TLK2: variants seen among roughly 807,000 people sequenced by gnomAD.
TLK2 encodes tousled like kinase 2.
In TLK2, 6 loss-of-function variants were observed where a neutral mutation model predicts 117.3. The observed-to-expected ratio is 0.05, with a 90% confidence interval of 0.03 to 0.10. The LOEUF is 0.10. Ranked by LOEUF, TLK2 falls within the 10% of genes least tolerant of loss-of-function variation. TLK2 has a pLI of 1.00. For missense variants in TLK2, 299 were observed against 901.2 expected, an observed-to-expected ratio of 0.33 and a Z score of 8.56; for synonymous variants, 257 against 316.7, an observed-to-expected ratio of 0.81 and a Z score of 2.00.
At chr17:62,567,989 T>A (rs2079940583) in intron 11 of TLK2, among the ~76,000 whole-genome samples, 2 of 152,172 alleles carry the variant, frequency 1.3e-5, no homozygotes. Context: ...GTAGCTTATT[T>A]TATAGTTCTG....
rs577182349 is a variant in TLK2 at position 62,487,078 on chromosome 17, G to T, written c.81+5872G>T. On this transcript the variant is annotated intron_variant, in intron 2 of 21. Coordinates refer to ENST00000346027, the MANE Select transcript of TLK2 (RefSeq NM_006852.6). ...GGAGGCCGAGGCAGGCAGATCACGA[G>T]GTCAGGAGATCGAGACCGTCCTGGC... Among the ~76,000 whole-genome samples the T allele has an allele frequency of 3.9e-5, 6 of 152,342 alleles. No individual in the cohort carries two copies. The East Asian group carries it at 1.2e-3, about 29-fold the overall frequency.
intron 2 of TLK2, among the ~76,000 whole-genome samples, chr17:62,502,460 G>T (rs2074285059): frequency 6.6e-6 from 1 of 152,166 alleles, no homozygotes; most frequent in South Asian, 2.1e-4. Flanking sequence ...AAGAGTGAAT[G>T]CTTTCTATAT....
Position 62,600,786 on chromosome 17 carries a change from A to G in TLK2, c.1686A>G (p.Ile562Met). The change falls in exon 18 of 22, where the codon ATA (isoleucine) becomes ATG (methionine). Residue 562 changes from isoleucine to methionine, a missense_variant. Coordinates refer to ENST00000346027, the MANE Select transcript of TLK2 (RefSeq NM_006852.6). ...IVNALKYLNEIKPPIIHYDLK... is the reference protein window; with the variant it reads ...IVNALKYLNEMKPPIIHYDLK... ...ATGCTTTAAAGTACTTAAATGAAAT[A>G]AAACCTCCCATCATACACTATGACC... 1 of 1,613,146 alleles carries G rather than the reference A, an allele frequency of 6.2e-7. No homozygotes were observed.
chr17:62,592,133 T>C (rs568845155), intron 16 of TLK2, among the ~76,000 whole-genome samples: 81 of 152,052 alleles, frequency 5.3e-4, no homozygotes, highest in African/African-American at 1.7e-3. Flanking sequence ...TTGTATTTTT[T>C]TTTTTAGTAG....
chr17:62,576,576 G>C (rs1260402092), intron 12 of TLK2, 133 bp from the exon 13 acceptor site: 1 of 694,994 alleles, frequency 1.4e-6, no homozygotes, highest in Non-Finnish European at 2.5e-6. Flanking sequence ...AGGACTACAA[G>C]ATAACCCATC....
chr17:62,519,076 G>A (rs934068663), intron 2 of TLK2, among the ~76,000 whole-genome samples: 1 of 152,078 alleles, frequency 6.6e-6, no homozygotes, highest in Non-Finnish European at 1.5e-5. Context: ...GTAGAGATGG[G>A]GTTTCACCAT....
intron 2 of TLK2, among the ~76,000 whole-genome samples, chr17:62,488,608 T>C (rs1258471379): frequency 1.3e-5 from 2 of 152,140 alleles, no homozygotes; most frequent in African/African-American, 4.8e-5. Context: ...CGTGCCTCTT[T>C]CTCTGAAATT....
intron 15 of TLK2, chr17:62,585,569 T>A (rs1163582048): frequency 6.6e-6 from 1 of 152,338 alleles, no homozygotes; most frequent in Non-Finnish European, 1.5e-5. Flanking sequence ...ACTTTTCATT[T>A]ACCCAGCATA....
At chr17:62,575,159 G>C (rs1352658765) in intron 12 of TLK2, among the ~76,000 whole-genome samples, 1 of 152,208 alleles carries the variant, frequency 6.6e-6, no homozygotes, top group Non-Finnish European at 1.5e-5. Flanking sequence ...ATCTAGGCTA[G>C]TAATGTGTAA....
At chr17:62,515,775 G>A (rs1301124219) in intron 2 of TLK2, among the ~76,000 whole-genome samples, 1 of 152,148 alleles carries the variant, frequency 6.6e-6, no homozygotes, top group Middle Eastern at 3.4e-3. Flanking sequence ...CCCATTCCAT[G>A]GGTTTCCTTT....
intron 16 of TLK2, among the ~76,000 whole-genome samples, chr17:62,591,928 T>C (rs1266656928): frequency 6.6e-6 from 1 of 152,132 alleles, no homozygotes; most frequent in Admixed American, 6.5e-5. Context: ...AGTTACTGTC[T>C]TTGTAAATAA....
In TLK2 at chr17:62,612,393, C is replaced by T. The variant is rs1402698205; in HGVS notation, c.2081C>T (p.Ala694Val). The change falls in exon 22 of 22, where the codon GCG (alanine) becomes GTG (valine). Residue 694 changes from alanine (A) to valine (V), a missense_variant and splice_region_variant. Ala to Val is a moderately conservative substitution (Grantham distance 64). Transcript: ENST00000346027. ...PKPVVTPEAK[A>V]FIRRCLAYRK... ...TCTTCAAGAAACTCTCCTTTGCAGG[C>T]GTTTATTCGACGATGCTTGGCCTAC... 1.9e-6 allele frequency: 3 copies of T among 1,612,938 alleles called. No homozygotes were observed. The highest frequency in any genetic ancestry group is 1.7e-5 in the Admixed American group (1 of 59,912).
intron 16 of TLK2, among the ~76,000 whole-genome samples, chr17:62,586,927 G>C (rs758160416): frequency 6.2e-4 from 94 of 152,074 alleles, no homozygotes; most frequent in Non-Finnish European, 1.1e-3. Context: ...AGAAGAGACT[G>C]GGGGCACCTG....
intron 2 of TLK2, among the ~76,000 whole-genome samples, chr17:62,481,772 A>G (rs548044238): frequency 6.6e-6 from 1 of 152,256 alleles, no homozygotes; most frequent in East Asian, 1.9e-4. Context: ...ATAGTTTCCT[A>G]TGCATGTTTA....
Position 62,581,668 on chromosome 17 carries a change from T to C in TLK2, c.1368+1476T>C, listed in dbSNP as rs547035653. Among the ~76,000 whole-genome samples, 10 of 152,164 alleles carry C rather than the reference T, an allele frequency of 6.6e-5. No individual in the cohort carries two copies. In the East Asian group the frequency reaches 1.2e-3, roughly 18 times the overall value. On this transcript the variant is annotated intron_variant, in intron 15 of 21. Transcript: ENST00000346027. ...GTTGCCCAGGCTGGTCTTGAACTCT[T>C]GGGCTCAAGTGATCACACCTTGGCT...
At chr17:62,554,876 CAA>C (rs35726174) in intron 9 of TLK2, among the ~76,000 whole-genome samples, 137 of 131,922 alleles carry the variant, frequency 1.0e-3, no homozygotes, top group East Asian at 1.0e-3. Context: ...GACCCTGCCT[CAA>C]AAAAAAAAAA....
At chr17:62,525,925 C>T (rs549687169) in intron 6 of TLK2, among the ~76,000 whole-genome samples, 1 of 152,298 alleles carries the variant, frequency 6.6e-6, no homozygotes, top group Admixed American at 6.5e-5. Flanking sequence ...CTATTTGGGA[C>T]AGATACGTTT....
chr17:62,534,992 A>G (rs1239107983), intron 6 of TLK2, among the ~76,000 whole-genome samples: 1 of 147,112 alleles, frequency 6.8e-6, no homozygotes, highest in African/African-American at 2.5e-5. Context: ...GGGTTTAAGC[A>G]ATTCTTCTGC....
intron 16 of TLK2, 118 bp downstream of exon 16, chr17:62,586,344 G>T: frequency 3.0e-6 from 2 of 675,358 alleles, no homozygotes. Flanking sequence ...CTTCATAACT[G>T]CCCTGAGAGA....
Sources: allele counts gnomAD v4.1 joint callset (sites outside exome capture counted in the v4.1 genomes callset), GRCh38; gene constraint gnomAD v4.1.1; transcripts MANE v1.5; gene names NCBI Gene and HGNC (gene_info 2026-07-23, HGNC 2026-07-21).